The following LRP1B variants were observed in gnomAD, a reference collection of about 807,000 sequenced individuals.
LRP1B encodes the protein LDL receptor related protein 1B, also known as low-density lipoprotein receptor-related protein 1B.
In LRP1B, 217 loss-of-function variants were observed where a neutral mutation model predicts 556.6. That is an observed-to-expected ratio of 0.39 (90% CI 0.35 to 0.44). The LOEUF is 0.44. LRP1B is among the 20% of genes least tolerant of loss of function. The probability of loss-of-function intolerance (pLI) is 1.00; values close to 1 mark genes in which losing one functional copy is unlikely to be tolerated. For synonymous variants in LRP1B, 2,047 were observed against 1,865.8 expected, an observed-to-expected ratio of 1.10 and a Z score of -2.50; for missense variants, 5,053 against 5,620.8, an observed-to-expected ratio of 0.90 and a Z score of 3.23.
chr2:140,239,983 G>C lies in LRP1B; in HGVS notation c.13325-451C>G, dbSNP rs576735384. On this transcript the variant is annotated intron_variant, in intron 87 of 90. Transcript: ENST00000389484. ...GGTCAGGGGTCCATGTGACAAGTTAGGTGGCAGCCTGGTGAAACAAAAGGG... is the reference window on the plus strand; with the variant it reads ...GGTCAGGGGTCCATGTGACAAGTTACGTGGCAGCCTGGTGAAACAAAAGGG... 2.6e-5 allele frequency among the ~76,000 whole-genome samples: 4 copies of C among 150,994 alleles called. No individual in the cohort carries two copies. In the East Asian group the frequency reaches 7.8e-4, roughly 30 times the overall value.
At chr2:141,156,461 T>C (rs980663935) in intron 7 of LRP1B, among the ~76,000 whole-genome samples, 1 of 151,840 alleles carries the variant, frequency 6.6e-6, no homozygotes, top group African/African-American at 2.4e-5. Flanking sequence ...AACCCATCTC[T>C]ACAAAAAATT....
At chr2:141,017,321 T>C (rs1380186501) in intron 12 of LRP1B, among the ~76,000 whole-genome samples, 3 of 151,968 alleles carry the variant, frequency 2.0e-5, no homozygotes. Flanking sequence ...TTTTCTTATA[T>C]ACAGTTAATC....
intron 71 of LRP1B, among the ~76,000 whole-genome samples, chr2:140,369,235 G>A (rs1303956879): frequency 2.6e-5 from 4 of 151,810 alleles, no homozygotes; most frequent in Non-Finnish European, 5.9e-5. Context: ...GACATAATCG[G>A]AAGGACACTT....
At chr2:141,128,470 G>T (rs1213088134) in intron 7 of LRP1B, among the ~76,000 whole-genome samples, 1 of 152,048 alleles carries the variant, frequency 6.6e-6, no homozygotes, top group African/African-American at 2.4e-5. Context: ...CTGATCTTCT[G>T]TTCACTCCCT....
At chr2:140,779,589 G>A (rs1213204745) in intron 32 of LRP1B, among the ~76,000 whole-genome samples, 1 of 151,906 alleles carries the variant, frequency 6.6e-6, no homozygotes, top group Non-Finnish European at 1.5e-5. Context: ...CAGCTACTCA[G>A]GAGGCTGAGT....
intron 7 of LRP1B, among the ~76,000 whole-genome samples, chr2:141,069,354 C>T (rs1178632630): frequency 1.3e-5 from 2 of 152,002 alleles, no homozygotes; most frequent in African/African-American, 4.8e-5. Context: ...AAGATTTGTA[C>T]ATTTTTATTA....
At position 141,865,595 on chromosome 2, in the gene LRP1B, AAAAAAAAAAAAAG is replaced by A. The variant is rs1260508325; in HGVS notation, c.83-55207_83-55195del. ...CGACAGAGCGAGACTCCGTCTCAAA[AAAAAAAAAAAAAG>A]AAAAAAAAAAAGAAAAAAAGACAGA... On this transcript the variant is annotated intron_variant, in intron 1 of 90. Transcript: ENST00000389484. 3.3e-3 allele frequency among the ~76,000 whole-genome samples: 442 copies of A among 134,924 alleles called. 3 individuals carry two copies. The highest frequency in any genetic ancestry group is 0.011 in the African/African-American group (428 of 39,816). The allele number at this position is 134,924 out of a possible 152,430, so 88.5% of individuals were successfully genotyped here.
At chr2:140,298,423 C>T (rs1277125750) in intron 83 of LRP1B, among the ~76,000 whole-genome samples, 1 of 152,092 alleles carries the variant, frequency 6.6e-6, no homozygotes, top group Non-Finnish European at 1.5e-5. Flanking sequence ...CATTAGATTA[C>T]ACATGTTATA....
At chr2:140,672,124 C>T (rs1373484223) in intron 41 of LRP1B, among the ~76,000 whole-genome samples, 3 of 152,102 alleles carry the variant, frequency 2.0e-5, no homozygotes, top group Admixed American at 6.6e-5. Context: ...TCCGAAAATA[C>T]AATGTGGGAC....
chr2:141,950,098 A>G lies in LRP1B; in HGVS notation c.83-139697T>C, dbSNP rs375924684. ...AGTTTGGGTAATGATTAGGTATTAC[A>G]TAATCTTTCAATTCGTCCACTTTTA... On this transcript the variant is annotated intron_variant, in intron 1 of 90. Coordinates refer to ENST00000389484, the MANE Select transcript of LRP1B (RefSeq NM_018557.3). Among the ~76,000 whole-genome samples the G allele has an allele frequency of 7.9e-5, 12 of 152,314 alleles. No homozygotes were observed. In the East Asian group the frequency reaches 1.7e-3, roughly 22 times the overall value.
intron 41 of LRP1B, among the ~76,000 whole-genome samples, chr2:140,668,396 G>T (rs934204017): frequency 7.0e-6 from 1 of 143,192 alleles, no homozygotes; most frequent in African/African-American, 2.6e-5. Context: ...TATTACTTCG[G>T]TCATTTTTTT....
At chr2:140,861,356 A>C (rs941690795) in intron 27 of LRP1B, among the ~76,000 whole-genome samples, 2 of 152,198 alleles carry the variant, frequency 1.3e-5, no homozygotes, top group Non-Finnish European at 2.9e-5. Context: ...GCAGTGAGCC[A>C]AGATCGTGCC....
At chr2:140,666,301 TACACACACAC>T (rs56905500) in intron 41 of LRP1B, among the ~76,000 whole-genome samples, 2,067 of 147,862 alleles carry the variant, frequency 0.014, 50 homozygotes, top group African/African-American at 0.05. Flanking sequence ...CCATTTATTA[TACACACACAC>T]ACACACACAC....
At chr2:141,924,525 G>T (rs764986967) in intron 1 of LRP1B, among the ~76,000 whole-genome samples, 1 of 152,154 alleles carries the variant, frequency 6.6e-6, no homozygotes, top group Non-Finnish European at 1.5e-5. Flanking sequence ...CATCGAGCTG[G>T]TTAACACTTA....
chr2:141,013,668 A>G lies in LRP1B; in HGVS notation c.2268T>C (p.Tyr756=), dbSNP rs373292846. ...HHGNYVFWTD[Y]MNGSIFQLDL... The stretch of plus-strand genomic sequence containing the variant: ...CTAGTTGAAAAATGGAACCATTCAT[A>G]TAATCAGTCCAGAACACATAATTTC... Residue 756 remains tyrosine (Y), a synonymous_variant, in exon 14 of 91, where the codon TAT becomes TAC. Coordinates refer to ENST00000389484, the MANE Select transcript of LRP1B (RefSeq NM_018557.3). 1.9e-6 allele frequency: 3 copies of G among 1,612,152 alleles called. No homozygotes were observed. Among genetic ancestry groups the G allele is most frequent in the Admixed American group, 1.7e-5 (1 of 59,778 alleles).
chr2:140,325,702 G>T, intron 80 of LRP1B, 60 bp downstream of exon 80: 2 of 1,099,200 alleles, frequency 1.8e-6, no homozygotes, highest in Non-Finnish European at 1.3e-6. Context: ...TTACATTTTT[G>T]TATTAGTATT....
chr2:141,252,015 C>G (rs1352887533), intron 4 of LRP1B, among the ~76,000 whole-genome samples: 1 of 151,812 alleles, frequency 6.6e-6, no homozygotes, highest in Non-Finnish European at 1.5e-5. Flanking sequence ...AAGTCATCTC[C>G]AACACAAAAA....
At chr2:141,389,992 G>A (rs1456088244) in intron 3 of LRP1B, among the ~76,000 whole-genome samples, 1 of 152,042 alleles carries the variant, frequency 6.6e-6, no homozygotes, top group South Asian at 2.1e-4. Flanking sequence ...ATGAAAATTG[G>A]CCAGGAGTGA....
chr2:142,097,755 T>C (rs1234606019), intron 1 of LRP1B, among the ~76,000 whole-genome samples: 1 of 151,728 alleles, frequency 6.6e-6, no homozygotes, highest in Non-Finnish European at 1.5e-5. Flanking sequence ...GTTACTTGTT[T>C]AAAGTTGAAT....
Sources: gnomAD v4.1 joint callset for allele counts (sites outside exome capture counted in the v4.1 genomes callset) on GRCh38, gnomAD v4.1.1 for gene constraint, MANE v1.5 for transcripts, NCBI Gene and HGNC (gene_info 2026-07-23, HGNC 2026-07-21) for gene names.